FGF14: variants seen among roughly 807,000 people sequenced by gnomAD.
The protein encoded by FGF14 is fibroblast growth factor homologous factor 4.
In FGF14, 5 loss-of-function variants were observed where a neutral mutation model predicts 25.5. The observed-to-expected ratio is 0.20, with a 90% CI of 0.10 to 0.41. The LOEUF (loss-of-function observed/expected upper bound fraction) is 0.41. FGF14 is among the 10% of genes least tolerant of loss of function. The pLI is 1.00. For missense variants in FGF14, 222 were observed against 320.1 expected, an observed-to-expected ratio of 0.69 and a Z score of 2.34; for synonymous variants, 138 against 118.3, an observed-to-expected ratio of 1.17 and a Z score of -1.08.
At position 102,204,564 on chromosome 13, in the gene FGF14, T is replaced by C. The variant is rs541874502; in HGVS notation, c.208+196907A>G. The stretch of plus-strand genomic sequence containing the variant: ...TTTTATTTTATTTTATTTTATTTTT[T>C]GAGACAGAGTCTTCCTCTGTCACCC... On this transcript the variant is annotated intron_variant, in intron 1 of 4. Coordinates refer to the FGF14 transcript ENST00000376131. Among the ~76,000 whole-genome samples, 5 of 152,228 alleles carry C rather than the reference T, an allele frequency of 3.3e-5. No individual in the cohort carries two copies. The East Asian group carries it at 9.7e-4, about 29-fold the overall frequency.
At position 101,715,960 on chromosome 13, in the gene FGF14, G is replaced by T; in HGVS notation, c.*6871C>A. 3.2e-6 allele frequency: 1 copy of T among 311,636 alleles called. No homozygotes were observed. Among genetic ancestry groups the T allele is most frequent in the South Asian group, 3.3e-5 (1 of 30,002 alleles). The allele number at this position is 311,636 out of a possible 1,614,324, so 19.3% of individuals were successfully genotyped here. A position where few individuals can be genotyped will look rare whatever the true frequency, so the allele number is the denominator to read the frequency against. ...ACAATTTTGATTGTCACACTGGGTC[G>T]GGTAGGAAGGTATGCTGCAGACATT... On this transcript the variant is annotated 3_prime_UTR_variant, in exon 5 of 5. Transcript: ENST00000376143.
intron 1 of FGF14, among the ~76,000 whole-genome samples, chr13:102,327,652 T>C (rs529177733): frequency 1.3e-5 from 2 of 152,026 alleles, no homozygotes; most frequent in African/African-American, 4.8e-5. Flanking sequence ...CTGGGTAACA[T>C]AGTGAGACCC....
intron 1 of FGF14, among the ~76,000 whole-genome samples, chr13:102,344,622 C>A (rs563068725): frequency 1.1e-4 from 16 of 152,286 alleles, no homozygotes; most frequent in Non-Finnish European, 1.6e-4. Context: ...GCTCTCACTG[C>A]CTGTCAGTCT....
At chr13:102,309,903 C>T (rs2055639407) in intron 1 of FGF14, among the ~76,000 whole-genome samples, 1 of 152,134 alleles carries the variant, frequency 6.6e-6, no homozygotes, top group South Asian at 2.1e-4. Context: ...TTCATTTGAA[C>T]CTAGCAATCT....
chr13:101,853,142 A>G (rs1009839702), intron 3 of FGF14, among the ~76,000 whole-genome samples: 3 of 152,042 alleles, frequency 2.0e-5, no homozygotes, highest in Non-Finnish European at 4.4e-5. Flanking sequence ...TAGAATGATC[A>G]CATAAAAAGA....
intron 1 of FGF14, among the ~76,000 whole-genome samples, chr13:102,140,051 C>CCG (rs1555365026): frequency 4.2e-5 from 6 of 144,364 alleles, no homozygotes; most frequent in Non-Finnish European, 7.6e-5. Context: ...AGACCCCCCC[C>CCG]CCCCCTTACA....
At chr13:101,926,373 T>C (rs551803349) in intron 1 of FGF14, among the ~76,000 whole-genome samples, 18 of 152,326 alleles carry the variant, frequency 1.2e-4, no homozygotes, top group Admixed American at 6.5e-4. Flanking sequence ...TCTCTAATGA[T>C]TGCCTGCTCC....
At chr13:102,068,509 T>C (rs2043000118) in intron 1 of FGF14, among the ~76,000 whole-genome samples, 1 of 152,110 alleles carries the variant, frequency 6.6e-6, no homozygotes. Flanking sequence ...CTGCGTACAG[T>C]GCTTGCGGGC....
chr13:102,335,573 A>T (rs932075221), intron 1 of FGF14, among the ~76,000 whole-genome samples: 1 of 152,202 alleles, frequency 6.6e-6, no homozygotes, highest in African/African-American at 2.4e-5. Context: ...AAAGAGACCA[A>T]GAAGGTGCAC....
chr13:101,868,694 G>T, intron 3 of FGF14, 31 bp downstream of exon 3: 1 of 1,309,466 alleles, frequency 7.6e-7, no homozygotes, highest in African/African-American at 1.5e-5. Context: ...TGCATTGAAC[G>T]AATGGCCGAG....
intron 3 of FGF14, among the ~76,000 whole-genome samples, chr13:101,730,826 G>A (rs999948773): frequency 2.0e-5 from 3 of 152,192 alleles, no homozygotes; most frequent in Admixed American, 1.3e-4. Flanking sequence ...CCGTAATGAG[G>A]ATAAATGGCC....
At chr13:102,100,272 G>A (rs747351294) in intron 1 of FGF14, among the ~76,000 whole-genome samples, 1 of 152,138 alleles carries the variant, frequency 6.6e-6, no homozygotes, top group African/African-American at 2.4e-5. Context: ...TGCCTTTCAA[G>A]ATCTGCAGAT....
rs116694631 is a variant in FGF14, at chr13:102,400,582, C to G, written c.208+889G>C. ...TCGGACTGAGACGCGGGGACGGGAA[C>G]CCCTGGGATCCGACTCCCCAAATCA... On this transcript the variant is annotated intron_variant, in intron 1 of 4. Coordinates refer to the FGF14 transcript ENST00000376131. This position sits in a 1 kb window ranked among gnomAD's most constrained non-coding sequence, Gnocchi z 4.3. Among the ~76,000 whole-genome samples the G allele has an allele frequency of 0.019, 2,879 of 152,236 alleles. 82 individuals are homozygous for G. The highest frequency in any genetic ancestry group is 0.066 in the African/African-American group (2,743 of 41,524).
At chr13:102,106,677 C>T (rs2044938625) in intron 1 of FGF14, among the ~76,000 whole-genome samples, 1 of 151,806 alleles carries the variant, frequency 6.6e-6, no homozygotes, top group Admixed American at 6.6e-5. Context: ...AGCCTTTACC[C>T]CCAAAGGACA....
chr13:102,326,625 G>A (rs755376538), intron 1 of FGF14, among the ~76,000 whole-genome samples: 2 of 139,258 alleles, frequency 1.4e-5, no homozygotes, highest in African/African-American at 2.7e-5. Flanking sequence ...AGGAGGGAAG[G>A]AGGGAAAGGG....
Position 101,721,278 on chromosome 13 carries a change from T to TG in FGF14, c.*1552dup, listed in dbSNP as rs1431846704. On this transcript the variant is annotated 3_prime_UTR_variant, in exon 5 of 5. Transcript: ENST00000376143. ...TAGATCCAATATTGAACATTTTGCATGGAATCTTCATTGTGTAGTCAACTG... is the reference window on the plus strand; with the variant it reads ...TAGATCCAATATTGAACATTTTGCATGGGAATCTTCATTGTGTAGTCAACTG... 1 of 152,178 alleles carries TG rather than the reference T, an allele frequency of 6.6e-6. No homozygotes were observed. The highest frequency in any genetic ancestry group is 2.4e-5 in the African/African-American group (1 of 41,444). The allele number at this position is 152,178 out of a possible 1,614,324, so 9.4% of individuals were successfully genotyped here. A position where few individuals can be genotyped will look rare whatever the true frequency, so the allele number is the denominator to read the frequency against.
At chr13:102,368,512 C>T (rs776244268) in intron 1 of FGF14, among the ~76,000 whole-genome samples, 10 of 152,228 alleles carry the variant, frequency 6.6e-5, no homozygotes, top group African/African-American at 2.2e-4. Context: ...TTCCCCTCAT[C>T]GGACCTTCTC....
At chr13:102,333,902 G>A (rs2056711395) in intron 1 of FGF14, among the ~76,000 whole-genome samples, 1 of 152,132 alleles carries the variant, frequency 6.6e-6, no homozygotes, top group African/African-American at 2.4e-5. Flanking sequence ...TGCTGGGTCT[G>A]GAGGAGGGAG....
intron 1 of FGF14, among the ~76,000 whole-genome samples, chr13:102,171,551 G>T (rs989848192): frequency 9.9e-5 from 15 of 152,026 alleles, no homozygotes; most frequent in Non-Finnish European, 1.5e-4. Flanking sequence ...TGAATAAATA[G>T]AAGAAAATAA....
Sources: allele counts gnomAD v4.1 joint callset (sites outside exome capture counted in the v4.1 genomes callset), GRCh38; gene constraint gnomAD v4.1.1; non-coding constraint Gnocchi (gnomAD v3.1); transcripts MANE v1.5; gene names NCBI Gene and HGNC (gene_info 2026-07-23, HGNC 2026-07-21).